Variants in TRAF3IP1 observed in about 807,000 individuals in gnomAD.
TRAF3IP1 encodes intraflagellar transport 54, also known as TRAF3-interacting protein 1.
In TRAF3IP1, 53 loss-of-function variants were observed where a neutral mutation model predicts 89.9. The ratio of observed to expected loss-of-function variants is 0.59; its 90% CI spans 0.47 to 0.74. The LOEUF (loss-of-function observed/expected upper bound fraction) is 0.74, where lower values mean the gene tolerates loss of function less well. Ranked by LOEUF, TRAF3IP1 falls within the 30% of genes least tolerant of loss-of-function variation. The pLI, the probability that TRAF3IP1 is intolerant of heterozygous loss-of-function variation, is 0.00. For missense variants in TRAF3IP1, 806 were observed against 866.1 expected, an observed-to-expected ratio of 0.93 and a Z score of 0.87; for synonymous variants, 311 against 322.1, an observed-to-expected ratio of 0.97 and a Z score of 0.37.
intron 16 of TRAF3IP1, 115 bp from the exon 17 acceptor site, chr2:238,398,639 C>A: frequency 1.7e-6 from 2 of 1,200,260 alleles, no homozygotes; most frequent in African/African-American, 1.5e-5. Flanking sequence ...AAATATTATC[C>A]TTTTCTTTGG....
At chr2:238,370,669 C>T (rs1408804935) in intron 15 of TRAF3IP1, among the ~76,000 whole-genome samples, 1 of 152,178 alleles carries the variant, frequency 6.6e-6, no homozygotes, top group Non-Finnish European at 1.5e-5. Context: ...ACTGACTTTC[C>T]CCTGGAATGG....
At chr2:238,357,747 G>A (rs535715442) in intron 15 of TRAF3IP1, among the ~76,000 whole-genome samples, 26 of 152,258 alleles carry the variant, frequency 1.7e-4, no homozygotes, top group Non-Finnish European at 1.5e-4. Context: ...AGACCCAGTC[G>A]AAAACCCTGA....
intron 8 of TRAF3IP1, among the ~76,000 whole-genome samples, chr2:238,343,007 G>C (rs1330890718): frequency 2.6e-5 from 4 of 152,006 alleles, no homozygotes; most frequent in Non-Finnish European, 5.9e-5. Context: ...TAGAGTGGTA[G>C]GTCCTTTGAC....
In TRAF3IP1 at chr2:238,348,786, C is replaced by T; in HGVS notation, c.1305C>T (p.Gly435=). 6.2e-7 allele frequency: 1 copy of T among 1,614,090 alleles called. No homozygotes were observed. Residue 435 remains glycine (G), a synonymous_variant, in exon 11 of 17, where the codon GGC becomes GGT. Coordinates refer to ENST00000373327, the MANE Select transcript of TRAF3IP1 (RefSeq NM_015650.4). ...SDAEGDAGPA[G]QDKSEVPETP... ...TAGAAGGAGATGCTGGACCTGCTGG[C>T]CAAGATAAGTCTGAGGTGCCAGAGA...
intron 15 of TRAF3IP1, among the ~76,000 whole-genome samples, chr2:238,373,242 C>A (rs1413208320): frequency 6.6e-6 from 1 of 152,140 alleles, no homozygotes; most frequent in Non-Finnish European, 1.5e-5. Flanking sequence ...CCTAGGTTTT[C>A]TTCTAGGGTT....
At position 238,344,526 on chromosome 2, in the gene TRAF3IP1, AG is replaced by A. The variant is rs760411407; in HGVS notation, c.1190del (p.Ser397IlefsTer98). 4 of 1,614,148 alleles carry A rather than the reference AG, an allele frequency of 2.5e-6. No homozygotes were observed. In the South Asian group the frequency reaches 4.4e-5, roughly 18 times the overall value. On this transcript the variant is annotated frameshift_variant, in exon 9 of 17. Coordinates refer to ENST00000373327, the MANE Select transcript of TRAF3IP1 (RefSeq NM_015650.4). LOFTEE classifies it high-confidence loss of function. The stretch of plus-strand genomic sequence containing the variant: ...AAAAGAAGCTAATATTAACTCAACT[AG>A]TATTTCAGATGATAATTCAGCTAGT... ...GTKEANINST[S>X]ISDDNSASLR...
At chr2:238,353,072 C>G (rs1699244692) in intron 13 of TRAF3IP1, 101 bp from the exon 14 acceptor site, 2 of 1,554,242 alleles carry the variant, frequency 1.3e-6, no homozygotes, top group South Asian at 1.2e-5. Flanking sequence ...AGTTTTCTAC[C>G]TTCGTTAATT....
At chr2:238,334,476 T>C (rs10205543) in intron 7 of TRAF3IP1, among the ~76,000 whole-genome samples, 17,765 of 152,106 alleles carry the variant, frequency 0.12, 1,767 homozygotes, top group African/African-American at 0.27. Context: ...AAAAGCCGAA[T>C]GTACAGGCCT....
At chr2:238,366,767 G>A (rs1404598431) in intron 15 of TRAF3IP1, among the ~76,000 whole-genome samples, 1 of 152,088 alleles carries the variant, frequency 6.6e-6, no homozygotes, top group Non-Finnish European at 1.5e-5. Context: ...TGCCTTGGAT[G>A]TCAATTCAGT....
chr2:238,327,934 C>A (rs1443193755), intron 3 of TRAF3IP1, among the ~76,000 whole-genome samples: 1 of 152,140 alleles, frequency 6.6e-6, no homozygotes, highest in Non-Finnish European at 1.5e-5. Context: ...CTTTTTAGGG[C>A]TGAATAATAT....
intron 12 of TRAF3IP1, among the ~76,000 whole-genome samples, chr2:238,352,356 G>A (rs1699209770): frequency 6.6e-6 from 1 of 152,200 alleles, no homozygotes; most frequent in Admixed American, 6.5e-5. Context: ...TGTGAAGAGA[G>A]GTCTGGGGTC....
At position 238,320,674 on chromosome 2, in the gene TRAF3IP1, G is replaced by T. The variant is rs1483089214; in HGVS notation, c.12G>T (p.Ala4=). Reference sequence around the variant, plus strand: ...CGGCGGACGCCGTCATGAACGCGGCGGTGGTGAGGCGGACGCAGGAGGCGC... The same window carrying T: ...CGGCGGACGCCGTCATGAACGCGGCTGTGGTGAGGCGGACGCAGGAGGCGC... MNA[A]VVRRTQEALG... is the part of the protein sequence containing the mutation. Residue 4 remains alanine, a synonymous_variant, in exon 1 of 17, where the codon GCG becomes GCT. Coordinates refer to ENST00000373327, the MANE Select transcript of TRAF3IP1 (RefSeq NM_015650.4). 7.2e-7 allele frequency: 1 copy of T among 1,398,000 alleles called. No homozygotes were observed. Among genetic ancestry groups the T allele is most frequent in the South Asian group, 1.4e-5 (1 of 69,700 alleles). 86.6% of individuals were successfully genotyped at this position (1,398,000 alleles called of 1,614,324 possible). A position where few individuals can be genotyped will look rare whatever the true frequency, so the allele number is the denominator to read the frequency against.
At chr2:238,385,929 G>A (rs1299380546) in intron 15 of TRAF3IP1, among the ~76,000 whole-genome samples, 4 of 152,192 alleles carry the variant, frequency 2.6e-5, no homozygotes. Context: ...CAGTGAACAG[G>A]TGATTTCAAT....
chr2:238,323,142 A>G (rs1174723595), intron 1 of TRAF3IP1, among the ~76,000 whole-genome samples: 7 of 151,150 alleles, frequency 4.6e-5, no homozygotes, highest in Admixed American at 1.3e-4. Context: ...GCAGTGACAC[A>G]GTCTCCACTC....
intron 15 of TRAF3IP1, among the ~76,000 whole-genome samples, chr2:238,384,222 C>G (rs1231982162): frequency 2.0e-5 from 3 of 152,280 alleles, no homozygotes; most frequent in Non-Finnish European, 4.4e-5. Flanking sequence ...TCGGGGCTCT[C>G]ACTTGTATGC....
At chr2:238,355,720 CCTT>C (rs1445478391) in intron 14 of TRAF3IP1, among the ~76,000 whole-genome samples, 2 of 152,216 alleles carry the variant, frequency 1.3e-5, no homozygotes, top group African/African-American at 4.8e-5. Flanking sequence ...AATCTACACT[CCTT>C]CTTAATCTTT....
intron 5 of TRAF3IP1, among the ~76,000 whole-genome samples, chr2:238,330,760 T>C (rs1260743674): frequency 6.6e-6 from 1 of 152,224 alleles, no homozygotes; most frequent in African/African-American, 2.4e-5. Context: ...GGGTGCCTAC[T>C]GGCAAGACTG....
At chr2:238,323,276 G>A (rs891455005) in intron 1 of TRAF3IP1, among the ~76,000 whole-genome samples, 4 of 151,966 alleles carry the variant, frequency 2.6e-5, no homozygotes, top group Non-Finnish European at 5.9e-5. Flanking sequence ...ATGGGGTTTC[G>A]CCATGTTGTC....
chr2:238,330,538 C>T (rs948497270), intron 5 of TRAF3IP1, among the ~76,000 whole-genome samples: 12 of 152,200 alleles, frequency 7.9e-5, no homozygotes, highest in South Asian at 2.1e-4. Flanking sequence ...TTGATCCGGC[C>T]GGGCAGTGAG....
Sources: gnomAD v4.1 joint callset for allele counts (sites outside exome capture counted in the v4.1 genomes callset) on GRCh38, gnomAD v4.1.1 for gene constraint, MANE v1.5 for transcripts, NCBI Gene and HGNC (gene_info 2026-07-23, HGNC 2026-07-21) for gene names.